TSC2: variants seen among roughly 807,000 people sequenced by gnomAD.
TSC2 encodes the protein tuberin.
Under a neutral mutation model 202.2 loss-of-function variants are expected in TSC2, and 29 were observed. The ratio of observed to expected loss-of-function variants is 0.14; its 90% CI spans 0.11 to 0.20. The LOEUF is 0.20. TSC2 is among the 10% of genes least tolerant of loss of function. The pLI is 1.00. For synonymous variants in TSC2, 1,349 were observed against 1,044.0 expected, an observed-to-expected ratio of 1.29 and a Z score of -5.63; for missense variants, 2,429 against 2,420.0, an observed-to-expected ratio of 1.00 and a Z score of -0.08.
In TSC2 at chr16:2,072,867, C is replaced by A. The variant is rs45517221; in HGVS notation, c.2239C>A (p.Leu747Met). 1.9e-6 allele frequency: 3 copies of A among 1,613,538 alleles called. No individual in the cohort carries two copies. The highest frequency in any genetic ancestry group is 1.3e-5 in the African/African-American group (1 of 74,946). The change falls in exon 21 of 42, where the codon CTG (leucine) becomes ATG (methionine). Residue 747 changes from leucine to methionine, a missense_variant. Leu to Met is a conservative substitution (Grantham distance 15, BLOSUM62 2). Coordinates refer to ENST00000219476, the MANE Select transcript of TSC2 (RefSeq NM_000548.5). ...TCATCAGCTTTCAGGCCCAAAGACA[C>A]TGGAGCGGCTCCGAGGCGCCCCAGA... ...LCSMLSGPKT[L>M]ERLRGAPEGF...
At chr16:2,062,798 T>A in intron 13 of TSC2, 174 bp from the exon 14 acceptor site, 1 of 900,276 alleles carries the variant, frequency 1.1e-6, no homozygotes, top group Non-Finnish European at 1.7e-6. Flanking sequence ...GCCACTGGGC[T>A]CCCTCTTTTC....
rs74002777 is a variant in TSC2 at position 2,088,883 on chromosome 16, A to G, written c.*273A>G. Reference sequence around the variant, plus strand: ...AGCACACTCGCGCGTGCGCGCGCGCACACACACACACACACAGTCACCTTC... The same window carrying G: ...AGCACACTCGCGCGTGCGCGCGCGCGCACACACACACACACAGTCACCTTC... On this transcript the variant is annotated 3_prime_UTR_variant, in exon 42 of 42. Coordinates refer to ENST00000219476, the MANE Select transcript of TSC2 (RefSeq NM_000548.5). 0.024 allele frequency: 4,954 copies of G among 209,798 alleles called. 66 individuals carry two copies. The highest frequency in any genetic ancestry group is 0.13 in the African/African-American group (2,686 of 21,364). 13.0% of individuals were successfully genotyped at this position (209,798 alleles called of 1,614,324 possible).
Position 2,084,447 on chromosome 16 carries a change from C to T in TSC2, c.4225C>T (p.Arg1409Trp), listed in dbSNP as rs45517333. The T allele has an allele frequency of 1.7e-4, 269 of 1,609,208 alleles. No homozygotes were observed. Among genetic ancestry groups the T allele is most frequent in the Non-Finnish European group, 2.1e-4 (244 of 1,178,642 alleles). Residue 1409 changes from arginine (R) to tryptophan (W), a missense_variant, in exon 34 of 42, where the codon CGG (arginine) becomes TGG (tryptophan). Coordinates refer to ENST00000219476, the MANE Select transcript of TSC2 (RefSeq NM_000548.5). ...GDPGDKADVG[R>W]LSPEVKARSQ... ...CCCTGGGGACAAGGCCGACGTGGGC[C>T]GGCTGAGCCCTGAGGTTAAGGCCCG...
intron 3 of TSC2, among the ~76,000 whole-genome samples, chr16:2,051,497 G>C (rs545730248): frequency 1.3e-5 from 2 of 152,132 alleles, no homozygotes; most frequent in Non-Finnish European, 2.9e-5. Context: ...GGTATTGGGC[G>C]ACCTCACGGA....
rs777121421 is a variant in TSC2 at position 2,065,573 on chromosome 16, G to T, written c.1654G>T (p.Ala552Ser). The change falls in exon 16 of 42, where the codon GCA (alanine) becomes TCA (serine). Residue 552 changes from alanine to serine, a missense_variant. Coordinates refer to ENST00000219476, the MANE Select transcript of TSC2 (RefSeq NM_000548.5). ...PPELEERDVA[A>S]YSASLEDVKT... is the part of the protein sequence containing the mutation. Reference sequence around the variant, plus strand: ...GGAGCTGGAAGAAAGGGATGTGGCCGCATACTCGGCCTCCTTGGAGGATGT... The same window carrying T: ...GGAGCTGGAAGAAAGGGATGTGGCCTCATACTCGGCCTCCTTGGAGGATGT... 3 of 1,613,830 alleles carry T rather than the reference G, an allele frequency of 1.9e-6. No homozygotes were observed. Among genetic ancestry groups the T allele is most frequent in the Non-Finnish European group, 1.7e-6 (2 of 1,180,006 alleles).
intron 10 of TSC2, among the ~76,000 whole-genome samples, chr16:2,059,414 C>G (rs1488479395): frequency 7.0e-6 from 1 of 143,358 alleles, no homozygotes; most frequent in Non-Finnish European, 1.5e-5. Context: ...GCGATCTCGG[C>G]TCACTGCAAC....
At chr16:2,085,127 C>T in intron 35 of TSC2, 101 bp downstream of exon 35, 1 of 1,600,642 alleles carries the variant, frequency 6.2e-7, no homozygotes, top group Admixed American at 1.7e-5. Context: ...TTGCAGAGGG[C>T]TCTGGCCTAA....
intron 13 of TSC2, 107 bp downstream of exon 13, chr16:2,062,707 C>G: frequency 8.1e-7 from 1 of 1,237,014 alleles, no homozygotes; most frequent in Non-Finnish European, 1.2e-6. Context: ...GGGCCCTCCC[C>G]TCTGCCTCTG....
intron 22 of TSC2, 42 bp downstream of exon 22, chr16:2,074,431 G>T (rs1387440736): frequency 1.2e-6 from 2 of 1,602,296 alleles, no homozygotes; most frequent in East Asian, 2.2e-5. Flanking sequence ...GAGAGGTTCG[G>T]GCTGTGTAAC....
intron 9 of TSC2, 56 bp downstream of exon 9, chr16:2,057,234 G>T: frequency 6.5e-7 from 1 of 1,544,240 alleles, no homozygotes; most frequent in Non-Finnish European, 8.8e-7. Context: ...CCTCGGGGCA[G>T]CTCCAGTGTC....
intron 32 of TSC2, chr16:2,083,479 G>T (rs1161109233): frequency 1.3e-6 from 1 of 768,370 alleles, no homozygotes; most frequent in Admixed American, 2.1e-5. Context: ...CCCAACCCCC[G>T]GGCACTCATG....
At chr16:2,076,951 G>C (rs775708863) in intron 25 of TSC2, among the ~76,000 whole-genome samples, 1 of 152,220 alleles carries the variant, frequency 6.6e-6, no homozygotes. Context: ...CGCCTTGCCG[G>C]ACCGCAAAGA....
In TSC2 at chr16:2,054,617, G is replaced by A. The variant is rs578041874; in HGVS notation, c.481+177G>A. The A allele has an allele frequency of 1.2e-4, 113 of 906,718 alleles. 2 individuals are homozygous for A. Among genetic ancestry groups the A allele is most frequent in the South Asian group, 7.9e-4 (55 of 69,336 alleles). The allele number at this position is 906,718 out of a possible 1,614,324, so 56.2% of individuals were successfully genotyped here. Reference sequence around the variant, plus strand: ...CGTGGCCGGAGTGCCCCTGAGGCACGTGTTAAAAATGCAGAGTCCTGGCCT... The same window carrying A: ...CGTGGCCGGAGTGCCCCTGAGGCACATGTTAAAAATGCAGAGTCCTGGCCT... On this transcript the variant is annotated intron_variant, in intron 5 of 41. Transcript: ENST00000219476.
At chr16:2,069,636 C>T (rs550171663) in intron 16 of TSC2, among the ~76,000 whole-genome samples, 213 of 152,290 alleles carry the variant, frequency 1.4e-3, no homozygotes, top group Admixed American at 2.0e-3. Flanking sequence ...CCCACCACCA[C>T]GCCCGGCTAA....
chr16:2,087,503 T>G (rs1596450526), intron 38 of TSC2, among the ~76,000 whole-genome samples: 12 of 135,962 alleles, frequency 8.8e-5, no homozygotes, highest in South Asian at 2.6e-4. Flanking sequence ...GGGGGGCACC[T>G]GGGCGGCTGA....
At chr16:2,085,191 C>G (rs184109257) in intron 35 of TSC2, 39 bp from the exon 36 acceptor site, 2 of 1,611,610 alleles carry the variant, frequency 1.2e-6, no homozygotes, top group South Asian at 1.1e-5. Context: ...CTCCTGTGGA[C>G]GGGCGTCTGG....
At chr16:2,084,865 T>C in intron 34 of TSC2, 86 bp from the exon 35 acceptor site, 1 of 1,603,898 alleles carries the variant, frequency 6.2e-7, no homozygotes, top group Admixed American at 1.7e-5. Flanking sequence ...GAGTGGGAGA[T>C]GGCCAGGCTC....
intron 26 of TSC2, chr16:2,078,362 G>A (rs1479435134): frequency 6.1e-6 from 1 of 162,908 alleles, no homozygotes; most frequent in Non-Finnish European, 1.3e-5. Flanking sequence ...CCCGTTGCAG[G>A]CCAAGGGGTC....
rs1023827234 is a variant in TSC2, at chr16:2,089,260, A to T, written c.*650A>T. On this transcript the variant is annotated 3_prime_UTR_variant, in exon 42 of 42. Coordinates refer to ENST00000219476, the MANE Select transcript of TSC2 (RefSeq NM_000548.5). ...AATAGTGACATACAAAAATATACACATTTTAACACCATATAAATTACTGAC... is the reference window on the plus strand; with the variant it reads ...AATAGTGACATACAAAAATATACACTTTTTAACACCATATAAATTACTGAC... The T allele has an allele frequency of 5.4e-6, 1 of 185,212 alleles. No individual in the cohort carries two copies. The highest frequency in any genetic ancestry group is 2.4e-5 in the African/African-American group (1 of 42,374). The allele number at this position is 185,212 out of a possible 1,614,324, so 11.5% of individuals were successfully genotyped here.
Sources: gnomAD v4.1 joint callset for allele counts (sites outside exome capture counted in the v4.1 genomes callset) on GRCh38, gnomAD v4.1.1 for gene constraint, MANE v1.5 for transcripts, NCBI Gene and HGNC (gene_info 2026-07-23, HGNC 2026-07-21) for gene names.